Variants in COL23A1 observed in about 807,000 individuals in gnomAD.
COL23A1 encodes the protein collagen type XXIII alpha 1 chain.
A neutral mutation model predicts 99.3 loss-of-function variants in COL23A1; 97 were observed. That is an observed-to-expected ratio of 0.98 (90% confidence interval 0.83 to 1.16). COL23A1 has a LOEUF of 1.16. Among genes scored for constraint, COL23A1 ranks in the 50% most tolerant of loss-of-function variants. The pLI, the probability that COL23A1 is intolerant of heterozygous loss-of-function variation, is 0.00. For synonymous variants in COL23A1, 320 were observed against 308.2 expected (o/e 1.04, Z -0.40); for missense variants, 762 against 757.4 (o/e 1.01, Z -0.07).
chr5:178,246,932 G>A (rs1401621607), intron 22 of COL23A1, among the ~76,000 whole-genome samples: 1 of 152,194 alleles, frequency 6.6e-6, no homozygotes, highest in Non-Finnish European at 1.5e-5. Context: ...ACGATTCTCA[G>A]TCCCACATCT....
rs1189122451 is a variant in COL23A1, at chr5:178,313,979, T to A, written c.362-7060A>T. Among the ~76,000 whole-genome samples the A allele has an allele frequency of 1.1e-4, 17 of 152,062 alleles. No homozygotes were observed. The highest frequency in any genetic ancestry group is 1.1e-3 in the Admixed American group (17 of 15,272). ...AAAACTGCCCAACAAGGGAGCATTC[T>A]CTCTGCACATTCCCAGCTTGGCCTC... is the stretch of plus-strand genomic sequence containing the variant. On this transcript the variant is annotated intron_variant, in intron 2 of 28. Coordinates refer to ENST00000390654, the MANE Select transcript of COL23A1 (RefSeq NM_173465.4). The surrounding 1 kb of genome is among the most constrained non-coding windows in gnomAD (Gnocchi z 4.2).
chr5:178,246,554 A>C, intron 22 of COL23A1, 101 bp from the exon 23 acceptor site: 1 of 1,239,138 alleles, frequency 8.1e-7, no homozygotes, highest in Non-Finnish European at 1.1e-6. Context: ...TGGACAGAGG[A>C]ACAGATCGAG....
intron 2 of COL23A1, among the ~76,000 whole-genome samples, chr5:178,443,998 T>C (rs1166622803): frequency 1.3e-5 from 2 of 151,738 alleles, no homozygotes; most frequent in African/African-American, 4.8e-5. Context: ...GCCTGGGAGA[T>C]TGAGACCAAC....
intron 2 of COL23A1, among the ~76,000 whole-genome samples, chr5:178,555,604 G>A (rs1762229594): frequency 6.6e-6 from 1 of 152,178 alleles, no homozygotes. Flanking sequence ...TATTAGTGCA[G>A]GGTGATCAGA....
chr5:178,486,703 A>T (rs1182899227), intron 2 of COL23A1, among the ~76,000 whole-genome samples: 1 of 152,100 alleles, frequency 6.6e-6, no homozygotes, highest in Non-Finnish European at 1.5e-5. Context: ...GCCAAAGAAA[A>T]CCCAAAGCGT....
chr5:178,271,183 C>T (rs1291362903), intron 5 of COL23A1, among the ~76,000 whole-genome samples: 1 of 152,216 alleles, frequency 6.6e-6, no homozygotes, highest in South Asian at 2.1e-4. Context: ...AACAAAGCCT[C>T]GCCTAGCTCC....
chr5:178,465,713 C>T lies in COL23A1; in HGVS notation c.361+94969G>A, dbSNP rs1000071684. Among the ~76,000 whole-genome samples, 13 of 152,226 alleles carry T rather than the reference C, an allele frequency of 8.5e-5. No homozygotes were observed. In the East Asian group the frequency reaches 1.7e-3, roughly 20 times the overall value. ...AGTGAACAGAAGAGCAAAGTCCCCG[C>T]GGGGTGGCGGTCACGTCCTCACGAG... On this transcript the variant is annotated intron_variant, in intron 2 of 28. Transcript: ENST00000390654.
intron 1 of COL23A1, among the ~76,000 whole-genome samples, chr5:178,574,380 G>A (rs1763248833): frequency 6.6e-6 from 1 of 152,204 alleles, no homozygotes; most frequent in African/African-American, 2.4e-5. Context: ...TTTATTGTGT[G>A]TAAATTATAT....
intron 2 of COL23A1, among the ~76,000 whole-genome samples, chr5:178,451,481 C>T (rs1293934693): frequency 6.6e-6 from 1 of 151,886 alleles, no homozygotes; most frequent in Non-Finnish European, 1.5e-5. Context: ...CATGGTGAAA[C>T]CCTGTCTCTA....
At chr5:178,414,487 C>T (rs926947435) in intron 2 of COL23A1, among the ~76,000 whole-genome samples, 17 of 151,980 alleles carry the variant, frequency 1.1e-4, no homozygotes, top group African/African-American at 3.9e-4. Flanking sequence ...AAAAAGGCAA[C>T]CAGGGCCGGT....
intron 1 of COL23A1, among the ~76,000 whole-genome samples, chr5:178,561,434 G>C (rs1435479359): frequency 1.3e-5 from 2 of 152,140 alleles, no homozygotes; most frequent in Non-Finnish European, 2.9e-5. Flanking sequence ...GGGTCAAAAG[G>C]CACAGCTCCC....
chr5:178,529,217 C>T (rs1042115868), intron 2 of COL23A1, among the ~76,000 whole-genome samples: 2 of 152,182 alleles, frequency 1.3e-5, no homozygotes, highest in South Asian at 2.1e-4. Flanking sequence ...GGCTGGATTC[C>T]GTGAGGATGT....
At chr5:178,287,011 G>C (rs1757194630) in intron 5 of COL23A1, among the ~76,000 whole-genome samples, 1 of 152,046 alleles carries the variant, frequency 6.6e-6, no homozygotes, top group Non-Finnish European at 1.5e-5. Flanking sequence ...TCCCGAGCCG[G>C]TACTGGTACA....
intron 2 of COL23A1, among the ~76,000 whole-genome samples, chr5:178,459,144 A>C (rs1755972092): frequency 6.6e-6 from 1 of 152,248 alleles, no homozygotes; most frequent in African/African-American, 2.4e-5. Flanking sequence ...AAGAATCATG[A>C]AACAGTTGGG....
rs1764155337 is a variant in COL23A1 at position 178,589,406 on chromosome 5, A to T, written c.294+498T>A. Among the ~76,000 whole-genome samples, 1 of 149,162 alleles carries T rather than the reference A, an allele frequency of 6.7e-6. No individual in the cohort carries two copies. Among genetic ancestry groups the T allele is most frequent in the African/African-American group, 2.5e-5 (1 of 39,842 alleles). ...TTGGGGCCTGAGCTGCTGGAGACAC[A>T]CTGGAGCACAGCGGGGCCCAGCCCT... is the stretch of plus-strand genomic sequence containing the variant. On this transcript the variant is annotated intron_variant, in intron 1 of 28. Transcript: ENST00000390654. The surrounding 1 kb of genome is among the most constrained non-coding windows in gnomAD (Gnocchi z 5.4).
intron 2 of COL23A1, among the ~76,000 whole-genome samples, chr5:178,538,069 C>T (rs1362703781): frequency 6.6e-6 from 1 of 152,192 alleles, no homozygotes; most frequent in Non-Finnish European, 1.5e-5. Flanking sequence ...GAATCGTATG[C>T]TATTGTATGG....
At chr5:178,436,654 AC>A (rs1402189230) in intron 2 of COL23A1, among the ~76,000 whole-genome samples, 1 of 152,306 alleles carries the variant, frequency 6.6e-6, no homozygotes, top group East Asian at 1.9e-4. Context: ...AGCGGTGGTG[AC>A]CAGCTAAGCC....
intron 1 of COL23A1, among the ~76,000 whole-genome samples, chr5:178,580,180 T>G (rs1763589094): frequency 6.6e-6 from 1 of 152,038 alleles, no homozygotes; most frequent in African/African-American, 2.4e-5. Context: ...ATACAAAACT[T>G]AGCCGGGTGT....
intron 2 of COL23A1, among the ~76,000 whole-genome samples, chr5:178,506,710 C>A (rs1349325215): frequency 6.6e-6 from 1 of 152,188 alleles, no homozygotes; most frequent in Non-Finnish European, 1.5e-5. Flanking sequence ...ACAATGAAAA[C>A]CTTCTCAAAG....
Sources: gnomAD v4.1 joint callset for allele counts (sites outside exome capture counted in the v4.1 genomes callset) on GRCh38, gnomAD v4.1.1 for gene constraint, Gnocchi (gnomAD v3.1) non-coding constraint, MANE v1.5 for transcripts, NCBI Gene and HGNC (gene_info 2026-07-23, HGNC 2026-07-21) for gene names.